The following HPSE2 variants were observed in gnomAD, a reference collection of about 807,000 sequenced individuals.
HPSE2 encodes the protein inactive heparanase-2.
In HPSE2, 38 loss-of-function variants were observed where a neutral mutation model predicts 60.5. The observed-to-expected ratio is 0.63, with a 90% confidence interval of 0.48 to 0.82. HPSE2 has a LOEUF of 0.82. Among genes scored for constraint, HPSE2 ranks in the 40% least tolerant of loss-of-function variants. The pLI is 0.00. For synonymous variants in HPSE2, 295 were observed against 293.2 expected, an observed-to-expected ratio of 1.01 and a Z score of -0.06; for missense variants, 713 against 740.4, an observed-to-expected ratio of 0.96 and a Z score of 0.43.
At chr10:98,539,128 C>T (rs1349298519) in intron 9 of HPSE2, among the ~76,000 whole-genome samples, 2 of 152,184 alleles carry the variant, frequency 1.3e-5, no homozygotes, top group African/African-American at 4.8e-5. Flanking sequence ...AGGTTGCAAT[C>T]AGTTTTTGGT....
At chr10:98,771,483 C>T (rs1950239551) in intron 3 of HPSE2, among the ~76,000 whole-genome samples, 1 of 152,138 alleles carries the variant, frequency 6.6e-6, no homozygotes, top group Non-Finnish European at 1.5e-5. Context: ...AACAGTTGAT[C>T]CCTTTGGGAG....
At chr10:98,972,310 T>A (rs964209685) in intron 3 of HPSE2, among the ~76,000 whole-genome samples, 1 of 152,090 alleles carries the variant, frequency 6.6e-6, no homozygotes, top group South Asian at 2.1e-4. Context: ...ATTACAGACA[T>A]AGCAAAAATA....
chr10:98,466,997 C>G (rs1940562901), intron 11 of HPSE2, among the ~76,000 whole-genome samples: 2 of 152,194 alleles, frequency 1.3e-5, no homozygotes, highest in South Asian at 4.1e-4. Context: ...ACCCCCACCT[C>G]CTTTCATTCT....
intron 3 of HPSE2, among the ~76,000 whole-genome samples, chr10:98,963,203 T>C (rs1053004890): frequency 1.3e-5 from 2 of 152,120 alleles, no homozygotes; most frequent in Non-Finnish European, 2.9e-5. Context: ...CTTTGGAGTA[T>C]GCAGAAAAAA....
At chr10:99,066,065 T>A (rs1043128987) in intron 3 of HPSE2, among the ~76,000 whole-genome samples, 1 of 151,986 alleles carries the variant, frequency 6.6e-6, no homozygotes, top group Non-Finnish European at 1.5e-5. Flanking sequence ...AGAGGACTAA[T>A]GTTTGGGACA....
chr10:98,691,025 A>G (rs1419772557), intron 6 of HPSE2, among the ~76,000 whole-genome samples: 3 of 152,194 alleles, frequency 2.0e-5, no homozygotes, highest in Non-Finnish European at 4.4e-5. Context: ...ATTCTATGTT[A>G]GTCTCCCCCA....
In HPSE2 at chr10:98,459,555, C is replaced by G. The variant is rs1264178974; in HGVS notation, c.*19G>C. On this transcript the variant is annotated 3_prime_UTR_variant, in exon 12 of 12. Coordinates refer to ENST00000370552, the MANE Select transcript of HPSE2 (RefSeq NM_021828.5). The stretch of plus-strand genomic sequence containing the variant: ...AGCAGCCCAGCAGGCCCACTGGTAG[C>G]CGTGAGTGTGAGGATAGCTTATCGG... 1.9e-6 allele frequency: 3 copies of G among 1,613,766 alleles called. No individual in the cohort carries two copies. Among genetic ancestry groups the G allele is most frequent in the Non-Finnish European group, 2.5e-6 (3 of 1,179,848 alleles).
At chr10:98,953,340 T>C (rs892769459) in intron 3 of HPSE2, among the ~76,000 whole-genome samples, 1 of 152,124 alleles carries the variant, frequency 6.6e-6, no homozygotes, top group Non-Finnish European at 1.5e-5. Context: ...ACACTGCACA[T>C]GTCTAATCCA....
At chr10:99,123,844 C>T (rs921813637) in intron 3 of HPSE2, among the ~76,000 whole-genome samples, 7 of 152,000 alleles carry the variant, frequency 4.6e-5, no homozygotes, top group Non-Finnish European at 1.0e-4. Flanking sequence ...AGGAGACCTT[C>T]AGTGGGTAGC....
intron 6 of HPSE2, among the ~76,000 whole-genome samples, chr10:98,664,626 C>G (rs893564980): frequency 6.6e-6 from 1 of 152,170 alleles, no homozygotes; most frequent in African/African-American, 2.4e-5. Flanking sequence ...GCTTATCTAT[C>G]GGCCATCGCT....
intron 6 of HPSE2, among the ~76,000 whole-genome samples, chr10:98,646,239 G>A (rs1946765427): frequency 1.3e-5 from 2 of 152,030 alleles, no homozygotes; most frequent in Admixed American, 1.3e-4. Context: ...GGGCATGAAG[G>A]AGATGGAGTA....
At chr10:98,841,647 C>A (rs1190823034) in intron 3 of HPSE2, among the ~76,000 whole-genome samples, 1 of 152,126 alleles carries the variant, frequency 6.6e-6, no homozygotes, top group Non-Finnish European at 1.5e-5. Flanking sequence ...AAAGGGGCAG[C>A]AATCACTTCA....
At chr10:98,465,745 T>C (rs7922362) in intron 11 of HPSE2, among the ~76,000 whole-genome samples, 102,519 of 152,038 alleles carry the variant, frequency 0.67, 34,879 homozygotes, top group African/African-American at 0.75. Context: ...CCTAAATGGC[T>C]CGTGACTTTT....
At chr10:98,739,357 A>C (rs1949437585) in intron 4 of HPSE2, among the ~76,000 whole-genome samples, 1 of 152,006 alleles carries the variant, frequency 6.6e-6, no homozygotes, top group African/African-American at 2.4e-5. Context: ...TCATTAGGAC[A>C]AATACCTAGT....
At chr10:98,486,328 T>C (rs1025088906) in intron 10 of HPSE2, among the ~76,000 whole-genome samples, 7 of 152,216 alleles carry the variant, frequency 4.6e-5, no homozygotes, top group African/African-American at 1.7e-4. Context: ...GCTGGCCCTC[T>C]GAGGTTATCA....
intron 7 of HPSE2, among the ~76,000 whole-genome samples, chr10:98,621,952 C>T (rs866436569): frequency 3.3e-5 from 5 of 152,164 alleles, no homozygotes; most frequent in Admixed American, 2.0e-4. Context: ...ACTAATGAGG[C>T]TGGATAAAGA....
At chr10:98,475,180 C>T (rs538531307) in intron 11 of HPSE2, among the ~76,000 whole-genome samples, 13 of 150,208 alleles carry the variant, frequency 8.7e-5, no homozygotes, top group Admixed American at 2.0e-4. Flanking sequence ...TGCAGTGGCA[C>T]GGTCTCAGCT....
chr10:98,468,263 C>G (rs1268724950), intron 11 of HPSE2, among the ~76,000 whole-genome samples: 7 of 152,140 alleles, frequency 4.6e-5, no homozygotes, highest in African/African-American at 1.7e-4. Context: ...ATGGCTACCA[C>G]GCTGAGGAAG....
At chr10:99,012,179 G>A (rs540374265) in intron 3 of HPSE2, among the ~76,000 whole-genome samples, 13 of 152,046 alleles carry the variant, frequency 8.6e-5, no homozygotes, top group South Asian at 4.2e-4. Flanking sequence ...AATTAATGCA[G>A]ATAATTCATT....
Sources: allele counts gnomAD v4.1 joint callset (sites outside exome capture counted in the v4.1 genomes callset), GRCh38; gene constraint gnomAD v4.1.1; transcripts MANE v1.5; gene names NCBI Gene and HGNC (gene_info 2026-07-23, HGNC 2026-07-21).